MUC4: variants seen among roughly 807,000 people sequenced by gnomAD.
MUC4 encodes mucin-4.
MUC4 carries 202 observed loss-of-function variants against 257.9 expected under a neutral mutation model. The observed-to-expected ratio is 0.78, with a 90% confidence interval of 0.70 to 0.88. The LOEUF (loss-of-function observed/expected upper bound fraction) is 0.88. MUC4 is among the 40% of genes least tolerant of loss of function. The pLI is 0.00. For missense variants in MUC4, 5,976 were observed against 6,513.7 expected (o/e 0.92, Z 2.84); for synonymous variants, 2,351 against 2,757.1 (o/e 0.85, Z 4.62).
chr3:195,759,066 C>T, intron 17 of MUC4, 58 bp downstream of exon 17: 3 of 1,595,960 alleles, frequency 1.9e-6, no homozygotes, highest in Non-Finnish European at 1.7e-6. Flanking sequence ...CCAAATTTGA[C>T]TCTGACCTCA....
rs779727370 is a variant in MUC4, at chr3:195,785,533, G to T, written c.6047C>A (p.Pro2016His). ...TGAGGAAAGGCTGGTGACAGGAAGA[G>T]GGGTGGCCTGTCCTGTAGATACTGA... The part of the protein sequence containing the change: ...TSSVSTGQAT[P>H]LPVTSLSSAS... Residue 2016 changes from proline to histidine, a missense_variant, in exon 2 of 25, where the codon CCT (proline) becomes CAT (histidine). Pro to His is a moderately conservative substitution (Grantham distance 77). Transcript: ENST00000463781. 2.9e-5 allele frequency: 44 copies of T among 1,519,448 alleles called. 2 individuals are homozygous for T. The South Asian group carries it at 4.7e-4, about 16-fold the overall frequency. The allele number at this position is 1,519,448 out of a possible 1,614,324, so 94.1% of individuals were successfully genotyped here. A position where few individuals can be genotyped will look rare whatever the true frequency, so the allele number is the denominator to read the frequency against.
At position 195,790,745 on chromosome 3, in the gene MUC4, C is replaced by G. The variant is rs1268352881; in HGVS notation, c.835G>C (p.Glu279Gln). The change falls in exon 2 of 25, where the codon GAG (glutamate) becomes CAG (glutamine). Residue 279 changes from glutamate to glutamine, a missense_variant. Glu to Gln is a conservative substitution (Grantham distance 29). Around this residue, in one of 44 missense-constraint regions of MUC4, gnomAD observed 1,583 missense variants for 1,257.4 expected, o/e 1.26. Transcript: ENST00000463781. ...STGSTLGNPG[E>Q]TSSVPVTGSL... ...CCAGTAACAGGTACTGATGATGTCT[C>G]CCCTGGGTTTCCAAGAGTGGAGCCT... 1.2e-6 allele frequency: 2 copies of G among 1,613,860 alleles called. No homozygotes were observed. The highest frequency in any genetic ancestry group is 8.5e-7 in the Non-Finnish European group (1 of 1,179,914).
intron 1 of MUC4, among the ~76,000 whole-genome samples, chr3:195,806,619 A>G (rs1021564471): frequency 6.6e-6 from 1 of 152,196 alleles, no homozygotes; most frequent in Admixed American, 6.5e-5. Context: ...TAACAAATGA[A>G]TGAATGAATG....
chr3:195,750,683 G>A (rs902225344), intron 23 of MUC4: 8 of 592,978 alleles, frequency 1.3e-5, no homozygotes, highest in African/African-American at 5.7e-5. Context: ...TGCTTGCTCC[G>A]TGAAGCTGTA....
chr3:195,757,847 GA>G lies in MUC4; in HGVS notation c.14987-520del, dbSNP rs1717966196. ...TTCAGATCAAACTGATATTTTTCAA[GA>G]AAATAGGAAAGTCTCCTTAAAACAG... On this transcript the variant is annotated intron_variant, in intron 17 of 24. Transcript: ENST00000463781. This position sits in a 1 kb window ranked among gnomAD's most constrained non-coding sequence, Gnocchi z 4.8. Among the ~76,000 whole-genome samples, 1 of 152,110 alleles carries G rather than the reference GA, an allele frequency of 6.6e-6. No homozygotes were observed.
In MUC4 at chr3:195,781,306, A is replaced by C; in HGVS notation, c.10274T>G (p.Leu3425Arg). The change falls in exon 2 of 25, where the codon CTT (leucine) becomes CGT (arginine). Residue 3425 changes from leucine to arginine, a missense_variant. This residue lies in a region of MUC4 where 297 missense variants were observed against 240.9 expected (regional missense o/e 1.23). Coordinates refer to ENST00000463781, the MANE Select transcript of MUC4 (RefSeq NM_018406.7). ...TGCTGAGGAAGTGCTGGTGACAGGA[A>C]GAGGGGTGGCGTGACCTGTGGATGC... is the stretch of plus-strand genomic sequence containing the variant. ...SSASTGHATP[L>R]PVTSTSSAST... The C allele has an allele frequency of 1.0e-5, 15 of 1,429,922 alleles. No individual in the cohort carries two copies. The highest frequency in any genetic ancestry group is 1.4e-5 in the Non-Finnish European group (15 of 1,062,052). 88.6% of individuals were successfully genotyped at this position (1,429,922 alleles called of 1,614,324 possible). A position where few individuals can be genotyped will look rare whatever the true frequency, so the allele number is the denominator to read the frequency against.
chr3:195,802,315 T>C (rs1387813441), intron 1 of MUC4, among the ~76,000 whole-genome samples: 3 of 140,994 alleles, frequency 2.1e-5, no homozygotes, highest in South Asian at 2.2e-4. Context: ...TTGTTTGCTT[T>C]GCCACATCCT....
Position 195,779,528 on chromosome 3 carries a change from G to T in MUC4, c.12052C>A (p.Pro4018Thr), listed in dbSNP as rs775732171. The T allele has an allele frequency of 8.1e-6, 10 of 1,234,816 alleles. No individual in the cohort carries two copies. The African/African-American group carries it at 8.8e-5, about 11-fold the overall frequency. 76.5% of individuals were successfully genotyped at this position (1,234,816 alleles called of 1,614,324 possible). The change falls in exon 2 of 25, where the codon CCT becomes ACT. Residue 4018 changes from proline (P) to threonine (T), a missense_variant. Pro to Thr is a conservative substitution (Grantham distance 38). Coordinates refer to ENST00000463781, the MANE Select transcript of MUC4 (RefSeq NM_018406.7). ...GATGCTGAGGAAGGGCTGGTGACAGGAAGAGGGGTGGCGTGACCTGTAGAT... is the reference window on the plus strand; with the variant it reads ...GATGCTGAGGAAGGGCTGGTGACAGTAAGAGGGGTGGCGTGACCTGTAGAT... ...SVSTGHATPL[P>T]VTSPSSASTG...
Position 195,789,835 on chromosome 3 carries a change from G to A in MUC4, c.1745C>T (p.Pro582Leu), listed in dbSNP as rs778572710. 20 of 1,604,010 alleles carry A rather than the reference G, an allele frequency of 1.2e-5. No individual in the cohort carries two copies. The highest frequency in any genetic ancestry group is 9.9e-5 in the South Asian group (9 of 90,838). The change falls in exon 2 of 25, where the codon CCA (proline) becomes CTA (leucine). Residue 582 changes from proline (P) to leucine (L), a missense_variant. Pro to Leu is a moderately conservative substitution (Grantham distance 98). Coordinates refer to ENST00000463781, the MANE Select transcript of MUC4 (RefSeq NM_018406.7). ...TATCATCTGAGTCACACTGTAGCTT[G>A]GGCTGCTGAGAAGAGCCTCTCCAGT... ...GTTGEALLSSPSYSVTQMIKT... is the reference protein window; with the variant it reads ...GTTGEALLSSLSYSVTQMIKT...
In MUC4 at chr3:195,763,433, C is replaced by T. The variant is rs1313471542; in HGVS notation, c.14253G>A (p.Thr4751=). 2.1e-5 allele frequency: 30 copies of T among 1,410,452 alleles called. No individual in the cohort carries two copies. The highest frequency in any genetic ancestry group is 2.5e-5 in the Non-Finnish European group (27 of 1,077,978). 87.4% of individuals were successfully genotyped at this position (1,410,452 alleles called of 1,614,324 possible). ...QYRSSSLGPV[T]VQWLLEPHDA... ...GAGGTTCCCGGCACCCCTCACTCAC[C>T]GTGACGGGGCCCAGGCTGCTGGAGC... The change falls in exon 12 of 25, where the codon ACG becomes ACA. Residue 4751 remains threonine, a splice_region_variant and synonymous_variant. Transcript: ENST00000463781.
chr3:195,751,500 T>TC (rs1716432976), intron 21 of MUC4: 4 of 593,050 alleles, frequency 6.7e-6, no homozygotes, highest in East Asian at 5.6e-5. Context: ...TTCCATTCTG[T>TC]CCCCCCCTCA....
At position 195,757,481 on chromosome 3, in the gene MUC4, C is replaced by CCT. The variant is rs1717899951; in HGVS notation, c.14987-154_14987-153insAG. 6.7e-6 allele frequency among the ~76,000 whole-genome samples: 1 copy of CCT among 150,312 alleles called. No individual in the cohort carries two copies. Among genetic ancestry groups the CCT allele is most frequent in the African/African-American group, 2.4e-5 (1 of 40,972 alleles). On this transcript the variant is annotated intron_variant, in intron 17 of 24. Coordinates refer to ENST00000463781, the MANE Select transcript of MUC4 (RefSeq NM_018406.7). The surrounding 1 kb of genome is among the most constrained non-coding windows in gnomAD (Gnocchi z 4.8). ...CATTTCCTTTGAGCAAGGCTGGTAT[C>CCT]GGGGGTGATCCTGGTCACGCTCCCA...
chr3:195,753,252 C>G, intron 19 of MUC4, 22 bp from the exon 20 acceptor site: 2 of 1,611,924 alleles, frequency 1.2e-6, no homozygotes, highest in Non-Finnish European at 1.7e-6. Context: ...GTAGGGAGGT[C>G]AGCAGCAGCG....
chr3:195,799,260 T>TGTGTGTGTGTGTGAGAGA (rs1553889795), intron 1 of MUC4, among the ~76,000 whole-genome samples: 24 of 149,116 alleles, frequency 1.6e-4, no homozygotes, highest in East Asian at 3.9e-4. Context: ...TGTGTGTGTG[T>TGTGTGTGTGTGTGAGAGA]GACACTGTGT....
chr3:195,762,350 C>T lies in MUC4; in HGVS notation c.14345-96G>A, dbSNP rs923278747. 8.9e-6 allele frequency: 12 copies of T among 1,341,656 alleles called. No individual in the cohort carries two copies. In the African/African-American group the frequency reaches 1.2e-4, roughly 13 times the overall value. The allele number at this position is 1,341,656 out of a possible 1,614,324, so 83.1% of individuals were successfully genotyped here. ...CGGGCCCGCACCACCCCCACCCCGC[C>T]CCTGGGGCTGAAGCCGGGAGGGGTC... On this transcript the variant is annotated intron_variant, in intron 13 of 24. Transcript: ENST00000463781.
chr3:195,755,361 A>AATTTTTTG lies in MUC4; in HGVS notation c.15169-997_15169-990dup, dbSNP rs1717463765. 6.6e-6 allele frequency among the ~76,000 whole-genome samples: 1 copy of AATTTTTTG among 151,710 alleles called. No individual in the cohort carries two copies. The highest frequency in any genetic ancestry group is 2.1e-4 in the South Asian group (1 of 4,792). On this transcript the variant is annotated intron_variant, in intron 18 of 24. Transcript: ENST00000463781. This position sits in a 1 kb window ranked among gnomAD's most constrained non-coding sequence, Gnocchi z 5.0. ...CAGGCATATGCCACCACGCCCAGCT[A>AATTTTTTG]ATTTTTTGATTTTTAGTAGAGACAG...
rs201613152 is a variant in MUC4, at chr3:195,789,390, C to T, written c.2190G>A (p.Thr730=). 1.8e-4 allele frequency: 291 copies of T among 1,613,896 alleles called. No individual in the cohort carries two copies. Among genetic ancestry groups the T allele is most frequent in the African/African-American group, 9.3e-4 (70 of 75,010 alleles). ...TAAGGGCACCTGTTTTGGAAAGTGA[C>T]GTGCCTCCTGAGGGCCCCAGGGTGG... ...HDATLGPSGG[T]SLSKTGALTL... is the part of the protein sequence containing the mutation. Residue 730 remains threonine, a synonymous_variant, in exon 2 of 25, where the codon ACG becomes ACA. Coordinates refer to ENST00000463781, the MANE Select transcript of MUC4 (RefSeq NM_018406.7).
chr3:195,778,560 C>A (rs1578182428), intron 2 of MUC4, 105 bp from the exon 3 acceptor site: 2 of 1,464,194 alleles, frequency 1.4e-6, no homozygotes, highest in East Asian at 4.6e-5. Flanking sequence ...CTGGAAACTC[C>A]TTGTCTCTCC....
intron 14 of MUC4, among the ~76,000 whole-genome samples, 168 bp from the exon 15 acceptor site, chr3:195,761,753 G>A (rs1182389904): frequency 6.6e-6 from 1 of 151,752 alleles, no homozygotes; most frequent in East Asian, 1.9e-4. Flanking sequence ...CACCCTGCCC[G>A]TCTGCCTTCG....
Sources: allele counts gnomAD v4.1 joint callset (sites outside exome capture counted in the v4.1 genomes callset), GRCh38; gene constraint gnomAD v4.1.1; regional missense constraint gnomAD v4.1.1; non-coding constraint Gnocchi (gnomAD v3.1); transcripts MANE v1.5; gene names NCBI Gene and HGNC (gene_info 2026-07-23, HGNC 2026-07-21).